Variants in IL17RE observed in about 807,000 individuals in gnomAD.
IL17RE encodes the protein interleukin 17 receptor E.
In IL17RE, 47 loss-of-function variants were observed where a neutral mutation model predicts 70.7. That is an observed-to-expected ratio of 0.67 (90% CI 0.53 to 0.85). The LOEUF (loss-of-function observed/expected upper bound fraction) is 0.85, where lower values mean the gene tolerates loss of function less well. IL17RE is among the 40% of genes least tolerant of loss of function. The probability of loss-of-function intolerance (pLI) is 0.00; values close to 1 mark genes in which losing one functional copy is unlikely to be tolerated. For synonymous variants in IL17RE, 372 were observed against 381.2 expected, an observed-to-expected ratio of 0.98 and a Z score of 0.28; for missense variants, 850 against 893.9, an observed-to-expected ratio of 0.95 and a Z score of 0.63.
intron 7 of IL17RE, 63 bp downstream of exon 7, chr3:9,908,370 G>A: frequency 7.1e-7 from 1 of 1,406,650 alleles, no homozygotes; most frequent in Non-Finnish European, 1.0e-6. Context: ...AGGTAGCGCA[G>A]TTGGTCAAGT....
At chr3:9,902,607 G>A, upstream of IL17RE, 2 of 1,535,906 alleles carry the variant, frequency 1.3e-6, no homozygotes, top group Non-Finnish European at 8.7e-7. Context: ...GAGTAGGAGG[G>A]GCTAAGAAAT....
chr3:9,913,534 A>G (rs1173445573), intron 12 of IL17RE, among the ~76,000 whole-genome samples: 1 of 152,222 alleles, frequency 6.6e-6, no homozygotes, highest in East Asian at 1.9e-4. Flanking sequence ...AGGGACTACA[A>G]AGGCAACAGT....
In IL17RE at chr3:9,903,314, A is replaced by G. The variant is rs2082679403; in HGVS notation, c.133-83A>G. ...GCTCAGAATTTGCTGATTTGAAGCA[A>G]AGACCCCAGGAATGTGCCTTATGGG... On this transcript the variant is annotated intron_variant, in intron 1 of 15. Coordinates refer to ENST00000383814, the MANE Select transcript of IL17RE (RefSeq NM_153480.2). The G allele has an allele frequency of 2.6e-6, 4 of 1,510,008 alleles. No homozygotes were observed. The Admixed American group carries it at 5.1e-5, about 19-fold the overall frequency. 93.5% of individuals were successfully genotyped at this position (1,510,008 alleles called of 1,614,324 possible). A position where few individuals can be genotyped will look rare whatever the true frequency, so the allele number is the denominator to read the frequency against.
intron 3 of IL17RE, among the ~76,000 whole-genome samples, chr3:9,905,324 T>C (rs1322513935): frequency 6.6e-6 from 1 of 150,514 alleles, no homozygotes; most frequent in African/African-American, 2.5e-5. Flanking sequence ...GGTGTGATGG[T>C]GCATGCCTGT....
In IL17RE at chr3:9,907,037, C is replaced by G; in HGVS notation, c.603C>G (p.Ser201Arg). Residue 201 changes from serine to arginine, a missense_variant, in exon 6 of 16, where the codon AGC (serine) becomes AGG (arginine). Ser to Arg is a moderately radical substitution (Grantham distance 110). Transcript: ENST00000383814. The part of the protein sequence containing the change: ...RVTISSGPEV[S>R]VRLCHQWALE... Reference sequence around the variant, plus strand: ...CCATATCTTCAGGCCCTGAGGTCAGCGTGCGTCTTTGTCACCAGTGGGCAC... The same window carrying G: ...CCATATCTTCAGGCCCTGAGGTCAGGGTGCGTCTTTGTCACCAGTGGGCAC... The G allele has an allele frequency of 6.2e-7, 1 of 1,614,138 alleles. No homozygotes were observed. Among genetic ancestry groups the G allele is most frequent in the East Asian group, 2.2e-5 (1 of 44,884 alleles).
At chr3:9,909,473 C>T (rs2082841274) in intron 8 of IL17RE, 190 bp downstream of exon 8, 2 of 619,054 alleles carry the variant, frequency 3.2e-6, no homozygotes, top group African/African-American at 1.8e-5. Flanking sequence ...TCTACCAGTC[C>T]GCTTGCCAAT....
intron 13 of IL17RE, chr3:9,914,334 T>G (rs2082960180): frequency 1.1e-5 from 14 of 1,333,122 alleles, no homozygotes; most frequent in Admixed American, 2.9e-5. Context: ...TGGTCAACTT[T>G]GAGTTTACTT....
rs1460231596 is a variant in IL17RE at position 9,903,946 on chromosome 3, CAG to C, written c.149-83_149-82del. The C allele has an allele frequency of 8.5e-6, 13 of 1,525,244 alleles. No individual in the cohort carries two copies. The African/African-American group carries it at 1.8e-4, about 21-fold the overall frequency. The allele number at this position is 1,525,244 out of a possible 1,614,324, so 94.5% of individuals were successfully genotyped here. A position where few individuals can be genotyped will look rare whatever the true frequency, so the allele number is the denominator to read the frequency against. On this transcript the variant is annotated intron_variant, in intron 2 of 15. Transcript: ENST00000383814. ...CCAAAGTCATACTTCCAGGATGTGA[CAG>C]AGCTTGGCCTCAAATCCAGCTTGTT...
At chr3:9,909,968 A>G (rs570847841) in intron 8 of IL17RE, 1 of 152,472 alleles carries the variant, frequency 6.6e-6, no homozygotes, top group Non-Finnish European at 1.5e-5. Flanking sequence ...AGGGAAAGAC[A>G]TTCCTGGTTC....
intron 12 of IL17RE, among the ~76,000 whole-genome samples, chr3:9,912,307 G>T (rs1414000096): frequency 6.6e-6 from 1 of 152,060 alleles, no homozygotes; most frequent in Non-Finnish European, 1.5e-5. Context: ...GTGCCAAAAA[G>T]GTCGGGGACC....
chr3:9,914,413 G>A (rs1026367747), intron 13 of IL17RE, 135 bp from the exon 14 acceptor site: 39 of 1,518,704 alleles, frequency 2.6e-5, no homozygotes, highest in Middle Eastern at 1.8e-4. Context: ...CTAGCAGCTG[G>A]AGCAGACACA....
chr3:9,908,234 C>T lies in IL17RE; in HGVS notation c.667-5C>T, dbSNP rs1411489265. ...TTTTGTCTTCCTTTGCTGTTTCATC[C>T]ACAGAAAATTGTGTCTGGGGGCCAC... On this transcript the variant is annotated splice_polypyrimidine_tract_variant and splice_region_variant and intron_variant, in intron 6 of 15. Coordinates refer to ENST00000383814, the MANE Select transcript of IL17RE (RefSeq NM_153480.2). The T allele has an allele frequency of 6.2e-7, 1 of 1,613,604 alleles. No individual in the cohort carries two copies. The highest frequency in any genetic ancestry group is 8.5e-7 in the Non-Finnish European group (1 of 1,179,654).
At chr3:9,902,817 G>A (rs367888197), upstream of IL17RE, 109 of 1,583,466 alleles carry the variant, frequency 6.9e-5, 1 homozygote, top group South Asian at 1.1e-3. Context: ...CGGGGCCAGG[G>A]CAGGCTGGGG....
In IL17RE at chr3:9,904,070, C is replaced by G. The variant is rs776580996; in HGVS notation, c.187C>G (p.Leu63Val). ...AYIPCRTWWA[L>V]FSTKPWCVRV... ...TATCCCTTGCCGCACCTGGTGGGCCCTCTTCTCCACAAAGCCTTGGTGTGT... is the reference window on the plus strand; with the variant it reads ...TATCCCTTGCCGCACCTGGTGGGCCGTCTTCTCCACAAAGCCTTGGTGTGT... The change falls in exon 3 of 16, where the codon CTC becomes GTC. Residue 63 changes from leucine (L) to valine (V), a missense_variant. Leu to Val is a conservative substitution (Grantham distance 32, BLOSUM62 1). Coordinates refer to ENST00000383814, the MANE Select transcript of IL17RE (RefSeq NM_153480.2). 6.2e-7 allele frequency: 1 copy of G among 1,614,154 alleles called. No homozygotes were observed. Among genetic ancestry groups the G allele is most frequent in the East Asian group, 2.2e-5 (1 of 44,874 alleles).
rs780247234 is a variant in IL17RE at position 9,906,833 on chromosome 3, G to A, written c.494G>A (p.Ser165Asn). The change falls in exon 5 of 16, where the codon AGT (serine) becomes AAT (asparagine). Residue 165 changes from serine to asparagine, a missense_variant. By Grantham distance (46) the Ser-to-Asn change is conservative. Transcript: ENST00000383814. ...TQPSDPETWE[S>N]LPRLDSQRHG... ...CCTTCGGATCCAGAGACATGGGAAA[G>A]TCTTCCCAGATTGGACTCACAAAGG... 1 of 1,614,218 alleles carries A rather than the reference G, an allele frequency of 6.2e-7. No individual in the cohort carries two copies. Among genetic ancestry groups the A allele is most frequent in the East Asian group, 2.2e-5 (1 of 44,888 alleles).
At position 9,916,083 on chromosome 3, in the gene IL17RE, A is replaced by C. The variant is rs949630400; in HGVS notation, c.*276A>C. 6 of 401,958 alleles carry C rather than the reference A, an allele frequency of 1.5e-5. No individual in the cohort carries two copies. Among genetic ancestry groups the C allele is most frequent in the African/African-American group, 4.2e-5 (2 of 47,900 alleles). 24.9% of individuals were successfully genotyped at this position (401,958 alleles called of 1,614,324 possible). On this transcript the variant is annotated 3_prime_UTR_variant, in exon 16 of 16. Transcript: ENST00000383814. Reference sequence around the variant, plus strand: ...ACTTCCTCTCCAGAACTCCAGAAAGAGCAGTGTGCTTATGCTTCAGTCCAG... The same window carrying C: ...ACTTCCTCTCCAGAACTCCAGAAAGCGCAGTGTGCTTATGCTTCAGTCCAG...
intron 1 of IL17RE, 143 bp downstream of exon 1, chr3:9,903,207 G>T: frequency 1.0e-6 from 1 of 965,920 alleles, no homozygotes; most frequent in East Asian, 2.5e-5. Flanking sequence ...CAAAGGGGTA[G>T]CCAAGGTCCT....
Position 9,914,769 on chromosome 3 carries a change from C to T in IL17RE, c.1439C>T (p.Pro480Leu), listed in dbSNP as rs1472905198. Reference protein sequence around the residue: ...GVVLALTCRRPQSGPGPARPV... With the variant: ...GVVLALTCRRLQSGPGPARPV... The stretch of plus-strand genomic sequence containing the variant: ...GTTCTGGCCCTCACCTGCCGGCGCC[C>T]ACAGTCAGGTAAGCTCACCTGGGGT... The change falls in exon 15 of 16, where the codon CCA (proline) becomes CTA (leucine). Residue 480 changes from proline (P) to leucine (L), a missense_variant. Physicochemically the swap from Pro to Leu is moderately conservative, Grantham distance 98. Transcript: ENST00000383814. The T allele has an allele frequency of 6.2e-7, 1 of 1,613,694 alleles. No homozygotes were observed. The highest frequency in any genetic ancestry group is 1.3e-5 in the African/African-American group (1 of 75,042).
At chr3:9,914,466 C>T (rs1399837065) in intron 13 of IL17RE, 82 bp from the exon 14 acceptor site, 1 of 1,581,976 alleles carries the variant, frequency 6.3e-7, no homozygotes, top group South Asian at 1.1e-5. Flanking sequence ...GGACTCCCCT[C>T]TCCCCCAGCT....
Sources: gnomAD v4.1 joint callset for allele counts (sites outside exome capture counted in the v4.1 genomes callset) on GRCh38, gnomAD v4.1.1 for gene constraint, MANE v1.5 for transcripts, NCBI Gene and HGNC (gene_info 2026-07-23, HGNC 2026-07-21) for gene names.